ROBO1: variants seen among roughly 807,000 people sequenced by gnomAD.
ROBO1 encodes the protein roundabout guidance receptor 1.
ROBO1 carries 149 observed loss-of-function variants against 195.9 expected under a neutral mutation model. The ratio of observed to expected loss-of-function variants is 0.76; its 90% CI spans 0.67 to 0.87. The LOEUF is 0.87. Among genes scored for constraint, ROBO1 ranks in the 40% least tolerant of loss-of-function variants. The probability of loss-of-function intolerance (pLI) is 0.00; values close to 1 mark genes in which losing one functional copy is unlikely to be tolerated. For missense variants in ROBO1, 1,933 were observed against 2,068.3 expected (o/e 0.93, Z 1.27); for synonymous variants, 816 against 733.2 (o/e 1.11, Z -1.82).
At chr3:79,139,184 C>T (rs1001401858) in intron 2 of ROBO1, among the ~76,000 whole-genome samples, 9 of 151,504 alleles carry the variant, frequency 5.9e-5, no homozygotes, top group African/African-American at 1.9e-4. Flanking sequence ...TAAAACAATT[C>T]TATTAACATA....
chr3:78,938,365 T>A, intron 4 of ROBO1: 2 of 443,708 alleles, frequency 4.5e-6, no homozygotes, highest in South Asian at 6.8e-5. Context: ...AGAAAATCAC[T>A]CCCAATCAAA....
chr3:78,769,617 G>GTTTTTTTTTTTTTTTTTTTT (rs1559836189), intron 4 of ROBO1, among the ~76,000 whole-genome samples: 5 of 72,924 alleles, frequency 6.9e-5, no homozygotes, highest in East Asian at 3.5e-4. Context: ...AGTGTACTTT[G>GTTTTTTTTTTTTTTTTTTTT]GTTTTTTTTT....
At chr3:79,577,529 G>A (rs1383090756) in intron 2 of ROBO1, among the ~76,000 whole-genome samples, 1 of 152,026 alleles carries the variant, frequency 6.6e-6, no homozygotes, top group African/African-American at 2.4e-5. Flanking sequence ...GGTAAATACT[G>A]GAAGAAAATA....
intron 2 of ROBO1, among the ~76,000 whole-genome samples, chr3:79,327,389 T>C (rs371247809): frequency 1.3e-5 from 2 of 152,170 alleles, no homozygotes; most frequent in East Asian, 1.9e-4. Context: ...AAAAAGACTT[T>C]AGAGAATACA....
rs199821932 is a variant in ROBO1 at position 78,670,271 on chromosome 3, C to T, written c.1373G>A (p.Arg458Gln). Reference sequence around the variant, plus strand: ...TACAGTCTGATTCACAGGACCTTGTCGAATAACTGGGGGAGGCCGATCTGC... The same window carrying T: ...TACAGTCTGATTCACAGGACCTTGTTGAATAACTGGGGGAGGCCGATCTGC... ...VIADRPPPVI[R>Q]QGPVNQTVAV... Residue 458 changes from arginine (R) to glutamine (Q), a missense_variant, in exon 11 of 31, where the codon CGA (arginine) becomes CAA (glutamine). Around this residue, in one of 3 missense-constraint regions of ROBO1, gnomAD observed 1,737 missense variants for 1,882.5 expected, o/e 0.92. Transcript: ENST00000464233. The T allele has an allele frequency of 2.7e-5, 43 of 1,576,322 alleles. No individual in the cohort carries two copies. Among genetic ancestry groups the T allele is most frequent in the Admixed American group, 1.1e-4 (6 of 54,018 alleles).
At position 79,315,898 on chromosome 3, in the gene ROBO1, C is replaced by G. The variant is rs889735567; in HGVS notation, c.89-190359G>C. 2.6e-5 allele frequency among the ~76,000 whole-genome samples: 4 copies of G among 152,034 alleles called. No homozygotes were observed. In the East Asian group the frequency reaches 7.7e-4, roughly 29 times the overall value. ...GATCCATGGAATGAACTGAAATACT[C>G]AAAGCTTTTAAAGAATAAGCTAACA... On this transcript the variant is annotated intron_variant, in intron 2 of 30. Transcript: ENST00000464233.
At chr3:78,619,360 C>T (rs1434773083) in intron 26 of ROBO1, among the ~76,000 whole-genome samples, 7 of 151,682 alleles carry the variant, frequency 4.6e-5, no homozygotes, top group African/African-American at 4.8e-5. Context: ...TGGTAGTTTA[C>T]CTGAAGATAT....
chr3:78,779,872 T>C (rs1054447781), intron 4 of ROBO1, among the ~76,000 whole-genome samples: 1 of 152,130 alleles, frequency 6.6e-6, no homozygotes, highest in Admixed American at 6.5e-5. Flanking sequence ...CCATCAATGA[T>C]ATACTGGATA....
At chr3:79,129,874 G>C (rs2108585243) in intron 2 of ROBO1, among the ~76,000 whole-genome samples, 1 of 147,568 alleles carries the variant, frequency 6.8e-6, no homozygotes, top group Non-Finnish European at 1.5e-5. Flanking sequence ...GTAAGGAAGG[G>C]ATCCAGTTTC....
At chr3:79,576,958 G>C (rs1560009268) in intron 2 of ROBO1, among the ~76,000 whole-genome samples, 1 of 152,060 alleles carries the variant, frequency 6.6e-6, no homozygotes, top group South Asian at 2.1e-4. Flanking sequence ...TAACACTTCT[G>C]AATTGGCCCA....
chr3:79,234,041 T>A (rs949484079), intron 2 of ROBO1, among the ~76,000 whole-genome samples: 2 of 152,118 alleles, frequency 1.3e-5, no homozygotes, highest in African/African-American at 4.8e-5. Context: ...CAGTTGTTTT[T>A]TGCTTATTCA....
At chr3:79,651,331 T>A (rs1327880537) in intron 1 of ROBO1, among the ~76,000 whole-genome samples, 1 of 152,072 alleles carries the variant, frequency 6.6e-6, no homozygotes, top group Admixed American at 6.6e-5. Context: ...TAAACAAAGA[T>A]GGTGGGTGTA....
At chr3:78,698,735 A>T (rs556063198) in intron 8 of ROBO1, among the ~76,000 whole-genome samples, 2 of 152,332 alleles carry the variant, frequency 1.3e-5, no homozygotes, top group East Asian at 1.9e-4. Flanking sequence ...GAGCTATTCA[A>T]CTTAAAGCTT....
chr3:78,846,743 C>T (rs1420484141), intron 4 of ROBO1, among the ~76,000 whole-genome samples: 1 of 152,098 alleles, frequency 6.6e-6, no homozygotes, highest in African/African-American at 2.4e-5. Flanking sequence ...TGACTCCTGA[C>T]ATTATGCTGT....
At chr3:78,940,300 T>C (rs970272487) in intron 3 of ROBO1, among the ~76,000 whole-genome samples, 3 of 152,208 alleles carry the variant, frequency 2.0e-5, no homozygotes, top group Non-Finnish European at 4.4e-5. Context: ...CACCAGGATG[T>C]AGGAAAGCCT....
intron 2 of ROBO1, among the ~76,000 whole-genome samples, chr3:79,140,532 T>C (rs964688391): frequency 1.2e-4 from 19 of 152,122 alleles, no homozygotes; most frequent in African/African-American, 2.7e-4. Flanking sequence ...TACTTATTTA[T>C]AAAATCTTAT....
rs138141200 is a variant in ROBO1, at chr3:79,270,179, TTCTCTCTC to T, written c.89-144648_89-144641del. ...ATTTGGATAGTTTACATACATAATG[TTCTCTCTC>T]TCTCTCTCTCTCTCTCTCTCTCTCT... On this transcript the variant is annotated intron_variant, in intron 2 of 30. Transcript: ENST00000464233. Among the ~76,000 whole-genome samples the T allele has an allele frequency of 5.0e-3, 707 of 140,684 alleles. 1 individual carries two copies. The highest frequency in any genetic ancestry group is 0.013 in the African/African-American group (476 of 37,204). 92.3% of individuals were successfully genotyped at this position (140,684 alleles called of 152,430 possible).
At chr3:79,561,245 A>G (rs1230622441) in intron 2 of ROBO1, among the ~76,000 whole-genome samples, 4 of 152,188 alleles carry the variant, frequency 2.6e-5, no homozygotes, top group Non-Finnish European at 5.9e-5. Flanking sequence ...AAAAACGTAC[A>G]CTTTGAGCAT....
intron 4 of ROBO1, among the ~76,000 whole-genome samples, chr3:78,863,212 C>G (rs2034957706): frequency 6.6e-6 from 1 of 152,150 alleles, no homozygotes; most frequent in Non-Finnish European, 1.5e-5. Context: ...AAAATGAGTT[C>G]ACTAACGTGC....
Sources: gnomAD v4.1 joint callset for allele counts (sites outside exome capture counted in the v4.1 genomes callset) on GRCh38, gnomAD v4.1.1 for gene constraint, gnomAD v4.1.1 regional missense constraint, MANE v1.5 for transcripts, NCBI Gene and HGNC (gene_info 2026-07-23, HGNC 2026-07-21) for gene names.